SPACA6: variants seen among roughly 807,000 people sequenced by gnomAD.
The protein encoded by SPACA6 is sperm acrosome membrane-associated protein 6.
For missense variants in SPACA6, 8 were observed against 2.8 expected (o/e 2.88, Z -1.34); for synonymous variants, 6 against 1.5 (o/e 4.05, Z -2.21).
chr19:51,711,865 C>T (rs963904429), intron 2 of SPACA6, among the ~76,000 whole-genome samples: 6 of 152,018 alleles, frequency 3.9e-5, no homozygotes, highest in Non-Finnish European at 8.8e-5. Flanking sequence ...GAGCAGCTGC[C>T]CAGGTCTTAG....
upstream of SPACA6, among the ~76,000 whole-genome samples, chr19:51,691,042 GC>G (rs1568613376): frequency 2.0e-5 from 3 of 149,886 alleles, no homozygotes; most frequent in East Asian, 2.1e-4. Context: ...CCCGTCTCCG[GC>G]CCCCGCCTCC....
chr19:51,698,142 T>A (rs184836838), intron 2 of SPACA6, among the ~76,000 whole-genome samples: 1 of 152,186 alleles, frequency 6.6e-6, no homozygotes, highest in Admixed American at 6.5e-5. Flanking sequence ...AAACTGAGGA[T>A]CAGGAAGGTG....
intron 3 of SPACA6, 160 bp from the exon 4 acceptor site, chr19:51,702,469 G>A (rs996600410): frequency 1.3e-5 from 5 of 393,632 alleles, no homozygotes; most frequent in Non-Finnish European, 2.2e-5. Context: ...CCGGCCCCAG[G>A]TGGAACCCAG....
upstream of SPACA6, among the ~76,000 whole-genome samples, chr19:51,691,090 C>T (rs1041438840): frequency 2.5e-5 from 1 of 39,880 alleles, no homozygotes; most frequent in Non-Finnish European, 3.8e-5. Flanking sequence ...CCTCTCCTCC[C>T]CCTCCTCAGG....
At chr19:51,697,018 G>A (rs931764662) in intron 2 of SPACA6, among the ~76,000 whole-genome samples, 2 of 152,176 alleles carry the variant, frequency 1.3e-5, no homozygotes, top group East Asian at 1.9e-4. Context: ...AATCCCCTGG[G>A]AGCTTATTTA....
intron 2 of SPACA6, among the ~76,000 whole-genome samples, chr19:51,694,940 C>T (rs2083415900): frequency 6.6e-6 from 1 of 151,934 alleles, no homozygotes; most frequent in Non-Finnish European, 1.5e-5. Context: ...TTCTTGCCTC[C>T]TAGGATGGCC....
downstream of SPACA6, among the ~76,000 whole-genome samples, chr19:51,707,012 C>T (rs1457747622): frequency 2.0e-5 from 3 of 152,146 alleles, no homozygotes; most frequent in African/African-American, 7.2e-5. Flanking sequence ...AAGGGAAGCT[C>T]CTTTTGAGCA....
rs1568620018 is a variant in SPACA6 at position 51,704,078 on chromosome 19, G to A, written c.622G>A (p.Gly208Arg). The A allele has an allele frequency of 2.5e-6, 1 of 401,148 alleles. No homozygotes were observed. The highest frequency in any genetic ancestry group is 2.1e-5 in the African/African-American group (1 of 48,710). The allele number at this position is 401,148 out of a possible 1,614,324, so 24.8% of individuals were successfully genotyped here. ...SYFRDMPRAE[G>R]YLARIRPAQL... is the part of the protein sequence containing the mutation. ...TTTCCGAGATATGCCGCGGGCCGAA[G>A]GATACCTGGCGCGGATCCGGCCGGC... Residue 208 changes from glycine to arginine, a missense_variant, in exon 7 of 9, where the codon GGA (glycine) becomes AGA (arginine). By Grantham distance (125) the Gly-to-Arg change is moderately radical. Coordinates refer to ENST00000637797, the MANE Select transcript of SPACA6 (RefSeq NM_001316972.2).
intron 2 of SPACA6, among the ~76,000 whole-genome samples, chr19:51,698,299 G>C (rs529704337): frequency 5.2e-4 from 79 of 152,186 alleles, no homozygotes; most frequent in African/African-American, 1.8e-3. Context: ...CAACTCCTCT[G>C]GGGGAGACTT....
chr19:51,700,286 CATAAAAGA>C (rs1464266486), intron 2 of SPACA6, among the ~76,000 whole-genome samples: 8 of 152,008 alleles, frequency 5.3e-5, no homozygotes, highest in African/African-American at 1.9e-4. Context: ...AGACAAGGAA[CATAAAAGA>C]GTAAAAGATG....
downstream of SPACA6, among the ~76,000 whole-genome samples, chr19:51,708,781 T>G (rs1365035485): frequency 6.6e-6 from 1 of 152,054 alleles, no homozygotes; most frequent in African/African-American, 2.4e-5. Flanking sequence ...GAGCTGAGAT[T>G]GTGCCATTGC....
At chr19:51,698,128 G>A (rs1209086092) in intron 2 of SPACA6, among the ~76,000 whole-genome samples, 2 of 152,188 alleles carry the variant, frequency 1.3e-5, no homozygotes, top group African/African-American at 4.8e-5. Context: ...TTTGATGAAT[G>A]AGGAAACTGA....
At chr19:51,691,325 C>G (rs1329148924), upstream of SPACA6, among the ~76,000 whole-genome samples, 3 of 143,944 alleles carry the variant, frequency 2.1e-5, no homozygotes, top group Non-Finnish European at 4.6e-5. Context: ...GAGCAGGAGA[C>G]GGAGGTGAGG....
intron 2 of SPACA6, among the ~76,000 whole-genome samples, chr19:51,695,785 G>C (rs1256313281): frequency 1.3e-5 from 2 of 152,216 alleles, no homozygotes; most frequent in Non-Finnish European, 2.9e-5. Flanking sequence ...GAGAGAAGAG[G>C]CTGGGTGAGG....
At chr19:51,708,532 G>A (rs2083526993), downstream of SPACA6, among the ~76,000 whole-genome samples, 1 of 152,094 alleles carries the variant, frequency 6.6e-6, no homozygotes, top group African/African-American at 2.4e-5. Context: ...TTTGTGTGAA[G>A]AGTGTTCCAG....
At chr19:51,704,744 C>T (rs1419207814) in intron 8 of SPACA6, 9 of 368,012 alleles carry the variant, frequency 2.4e-5, no homozygotes, top group Non-Finnish European at 4.3e-5. Flanking sequence ...AGCCCCTCCT[C>T]CCTCAGACCC....
Position 51,694,812 on chromosome 19 carries a change from G to A in SPACA6, c.292+257G>A, listed in dbSNP as rs190854725. The stretch of plus-strand genomic sequence containing the variant: ...TAGAGCTGGAAGTCCAGATGGGGTC[G>A]GGTAGGCATAGGTTCTGCCATGGCT... On this transcript the variant is annotated intron_variant, in intron 2 of 8. Coordinates refer to ENST00000637797, the MANE Select transcript of SPACA6 (RefSeq NM_001316972.2). Among the ~76,000 whole-genome samples the A allele has an allele frequency of 3.3e-5, 5 of 152,242 alleles. No homozygotes were observed. The East Asian group carries it at 5.8e-4, about 18-fold the overall frequency.
At chr19:51,689,725 C>A, upstream of SPACA6, 1 of 151,154 alleles carries the variant, frequency 6.6e-6, no homozygotes, top group Non-Finnish European at 1.5e-5. Context: ...AGCCCAGACT[C>A]CTGAATCCTT....
chr19:51,693,794 G>A (rs1290310866), intron 1 of SPACA6, 54 bp downstream of exon 1: 5 of 403,442 alleles, frequency 1.2e-5, no homozygotes, highest in Non-Finnish European at 8.8e-6. Flanking sequence ...CAGAGGGAGG[G>A]CAGGAGAGGC....
Sources: gnomAD v4.1 joint callset for allele counts (sites outside exome capture counted in the v4.1 genomes callset) on GRCh38, gnomAD v4.1.1 for gene constraint, MANE v1.5 for transcripts, NCBI Gene and HGNC (gene_info 2026-07-23, HGNC 2026-07-21) for gene names.